HS6ST3: variants seen among roughly 807,000 people sequenced by gnomAD.
HS6ST3 encodes heparan sulfate 6-O-sulfotransferase 3.
In HS6ST3, 12 loss-of-function variants were observed where a neutral mutation model predicts 36.7. That is an observed-to-expected ratio of 0.33 (90% CI 0.21 to 0.53). The LOEUF is 0.53. HS6ST3 is among the 20% of genes least tolerant of loss of function. HS6ST3 has a pLI of 0.95. For missense variants in HS6ST3, 584 were observed against 640.9 expected, an observed-to-expected ratio of 0.91 and a Z score of 0.96; for synonymous variants, 240 against 257.5, an observed-to-expected ratio of 0.93 and a Z score of 0.65.
intron 1 of HS6ST3, among the ~76,000 whole-genome samples, chr13:96,514,507 A>G (rs1174393991): frequency 6.6e-6 from 1 of 152,170 alleles, no homozygotes; most frequent in African/African-American, 2.4e-5. Flanking sequence ...GGACGTAATT[A>G]AGGTTGGATG....
At chr13:96,411,736 A>G (rs1257781836) in intron 1 of HS6ST3, among the ~76,000 whole-genome samples, 1 of 152,204 alleles carries the variant, frequency 6.6e-6, no homozygotes, top group East Asian at 1.9e-4. Flanking sequence ...TCAAATGAGA[A>G]ATAGTAAAGA....
chr13:96,356,174 G>C (rs1358854256), intron 1 of HS6ST3, among the ~76,000 whole-genome samples: 5 of 151,988 alleles, frequency 3.3e-5, no homozygotes, highest in African/African-American at 1.2e-4. Flanking sequence ...CCCAACTGTG[G>C]TTACTTCCTC....
At chr13:96,598,411 A>G (rs1043627203) in intron 1 of HS6ST3, among the ~76,000 whole-genome samples, 1 of 151,784 alleles carries the variant, frequency 6.6e-6, no homozygotes, top group Non-Finnish European at 1.5e-5. Context: ...ATATTCCTAG[A>G]TATTTTATTT....
intron 1 of HS6ST3, among the ~76,000 whole-genome samples, chr13:96,100,331 T>G (rs556596563): frequency 2.6e-5 from 4 of 152,264 alleles, no homozygotes; most frequent in Admixed American, 2.6e-4. Flanking sequence ...TTTAAAGTAT[T>G]GGTAGCTTTA....
chr13:96,118,667 T>G (rs1566886443), intron 1 of HS6ST3, among the ~76,000 whole-genome samples: 3 of 10,230 alleles, frequency 2.9e-4, no homozygotes, highest in African/African-American at 7.4e-4. Flanking sequence ...TATATATATA[T>G]ATATATATAT....
chr13:96,248,006 G>T (rs1399268016), intron 1 of HS6ST3, among the ~76,000 whole-genome samples: 1 of 152,072 alleles, frequency 6.6e-6, no homozygotes, highest in Non-Finnish European at 1.5e-5. Context: ...ATTCAATTCA[G>T]AATTAATATA....
chr13:96,139,543 A>G (rs1252274086), intron 1 of HS6ST3, among the ~76,000 whole-genome samples: 24 of 57,302 alleles, frequency 4.2e-4, no homozygotes, highest in African/African-American at 1.3e-3. Context: ...AAGATTCAGA[A>G]AAAAAAAAAA....
chr13:96,345,866 C>T (rs1410513077), intron 1 of HS6ST3, among the ~76,000 whole-genome samples: 18 of 152,158 alleles, frequency 1.2e-4, no homozygotes, highest in Non-Finnish European at 1.9e-4. Flanking sequence ...CCAAAAAAAT[C>T]TCATAATATC....
chr13:96,829,744 C>G (rs1269834410), intron 1 of HS6ST3, among the ~76,000 whole-genome samples: 1 of 152,126 alleles, frequency 6.6e-6, no homozygotes, highest in Non-Finnish European at 1.5e-5. Context: ...TGATGATCAT[C>G]ATTGATGAGC....
Position 96,306,045 on chromosome 13 carries a change from C to T in HS6ST3, c.707+214476C>T, listed in dbSNP as rs2054911356. Among the ~76,000 whole-genome samples the T allele has an allele frequency of 2.0e-5, 3 of 151,606 alleles. No homozygotes were observed. The South Asian group carries it at 6.2e-4, about 32-fold the overall frequency. On this transcript the variant is annotated intron_variant, in intron 1 of 1. Coordinates refer to ENST00000376705, the MANE Select transcript of HS6ST3 (RefSeq NM_153456.4). ...CTCCCAGGCTCAAGCAATTCTCCCA[C>T]CTCAGCCTCCCGAGTAGCTGGGATT... is the stretch of plus-strand genomic sequence containing the variant.
At chr13:96,684,556 G>A (rs886215805) in intron 1 of HS6ST3, among the ~76,000 whole-genome samples, 1 of 152,014 alleles carries the variant, frequency 6.6e-6, no homozygotes, top group African/African-American at 2.4e-5. Flanking sequence ...TAAGGGGTGA[G>A]AAGCAGGCCA....
At chr13:96,653,951 A>G (rs1289954193) in intron 1 of HS6ST3, among the ~76,000 whole-genome samples, 1 of 152,206 alleles carries the variant, frequency 6.6e-6, no homozygotes, top group East Asian at 1.9e-4. Flanking sequence ...CATTTCTCTA[A>G]TGACCAGTGA....
chr13:96,809,872 T>TTA (rs1272425471), intron 1 of HS6ST3, among the ~76,000 whole-genome samples: 7 of 152,212 alleles, frequency 4.6e-5, no homozygotes, highest in African/African-American at 1.7e-4. Context: ...TCCCTGAGGC[T>TTA]TATGGGGCTC....
At chr13:96,655,334 A>G (rs934934524) in intron 1 of HS6ST3, among the ~76,000 whole-genome samples, 15 of 152,200 alleles carry the variant, frequency 9.9e-5, no homozygotes, top group African/African-American at 3.6e-4. Flanking sequence ...GTGCTTTCAG[A>G]GTCTAGTTCA....
chr13:96,311,817 A>G (rs926665985), intron 1 of HS6ST3, among the ~76,000 whole-genome samples: 3 of 152,192 alleles, frequency 2.0e-5, no homozygotes, highest in East Asian at 3.9e-4. Context: ...TCTAGCCACC[A>G]AGTAGAACTT....
intron 1 of HS6ST3, among the ~76,000 whole-genome samples, chr13:96,588,491 T>C (rs1192368961): frequency 6.6e-6 from 1 of 152,216 alleles, no homozygotes; most frequent in Non-Finnish European, 1.5e-5. Context: ...GAAATGATTA[T>C]ATGGTTTTTG....
At chr13:96,504,855 A>G (rs1050621877) in intron 1 of HS6ST3, among the ~76,000 whole-genome samples, 1 of 152,222 alleles carries the variant, frequency 6.6e-6, no homozygotes, top group Non-Finnish European at 1.5e-5. Flanking sequence ...GTCTTAGGTA[A>G]TAGACATAAA....
intron 1 of HS6ST3, among the ~76,000 whole-genome samples, chr13:96,512,289 C>G (rs1291458001): frequency 6.6e-6 from 1 of 152,180 alleles, no homozygotes; most frequent in Non-Finnish European, 1.5e-5. Context: ...GTTACTATGA[C>G]TCTGGTATAT....
At chr13:96,724,577 G>C (rs898026136) in intron 1 of HS6ST3, among the ~76,000 whole-genome samples, 1 of 152,036 alleles carries the variant, frequency 6.6e-6, no homozygotes, top group Non-Finnish European at 1.5e-5. Context: ...TGTGACTATA[G>C]ATTAGTTTTC....
Sources: allele counts gnomAD v4.1 joint callset (sites outside exome capture counted in the v4.1 genomes callset), GRCh38; gene constraint gnomAD v4.1.1; transcripts MANE v1.5; gene names NCBI Gene and HGNC (gene_info 2026-07-23, HGNC 2026-07-21).